SHANK2: variants seen among roughly 807,000 people sequenced by gnomAD.
SHANK2 encodes the protein SH3 and multiple ankyrin repeat domains 2.
SHANK2 carries 43 observed loss-of-function variants against 133.7 expected under a neutral mutation model. That is an observed-to-expected ratio of 0.32 (90% CI 0.25 to 0.41). SHANK2 has a LOEUF of 0.41. Among genes scored for constraint, SHANK2 ranks in the 10% least tolerant of loss-of-function variants. SHANK2 has a pLI of 1.00. For missense variants in SHANK2, 1,994 were observed against 2,235.8 expected, an observed-to-expected ratio of 0.89 and a Z score of 2.18; for synonymous variants, 1,017 against 952.8, an observed-to-expected ratio of 1.07 and a Z score of -1.24.
At chr11:70,931,283 A>G (rs1950501203) in intron 10 of SHANK2, among the ~76,000 whole-genome samples, 1 of 152,228 alleles carries the variant, frequency 6.6e-6, no homozygotes, top group Non-Finnish European at 1.5e-5. Context: ...AAAATTGACT[A>G]TGGTGATAGT....
intron 10 of SHANK2, among the ~76,000 whole-genome samples, chr11:70,911,933 T>C (rs781788905): frequency 2.0e-5 from 3 of 151,298 alleles, no homozygotes; most frequent in Non-Finnish European, 4.4e-5. Context: ...AATACAAAAA[T>C]CAGCTGGGCA....
chr11:71,097,229 A>T (rs960773446), intron 6 of SHANK2, among the ~76,000 whole-genome samples: 1 of 152,008 alleles, frequency 6.6e-6, no homozygotes, highest in Non-Finnish European at 1.5e-5. Context: ...GCCCTGGCTT[A>T]GCCACCACAT....
At chr11:70,908,855 C>G (rs983640917) in intron 10 of SHANK2, among the ~76,000 whole-genome samples, 1 of 152,198 alleles carries the variant, frequency 6.6e-6, no homozygotes, top group South Asian at 2.1e-4. Flanking sequence ...TCCATTTAGT[C>G]GTTCAGTTTC....
intron 11 of SHANK2, among the ~76,000 whole-genome samples, chr11:70,878,968 C>T (rs1949615278): frequency 6.6e-6 from 1 of 152,222 alleles, no homozygotes. Context: ...CCCCAGGGGA[C>T]ATCCTGAAGT....
chr11:70,636,063 C>G (rs1339698470), intron 17 of SHANK2, among the ~76,000 whole-genome samples: 1 of 152,284 alleles, frequency 6.6e-6, no homozygotes, highest in Non-Finnish European at 1.5e-5. Context: ...TCAGCTCTAC[C>G]CTCCTCTTCA....
rs3020033 is a variant in SHANK2, at chr11:71,250,086, A to T, written c.-113+2339T>A. On this transcript the variant is annotated intron_variant, in intron 1 of 25. Transcript: ENST00000601538. ...AGCAGACTGTACTTGGAGACAGTAC[A>T]CAGAAAGATCCCCCCAACAGACCGC... Among the ~76,000 whole-genome samples the T allele has an allele frequency of 2.8e-3, 433 of 152,184 alleles. 1 individual carries two copies. Among genetic ancestry groups the T allele is most frequent in the African/African-American group, 9.4e-3 (392 of 41,508 alleles).
At chr11:70,837,552 AT>A (rs1276031864) in intron 11 of SHANK2, among the ~76,000 whole-genome samples, 7 of 152,162 alleles carry the variant, frequency 4.6e-5, no homozygotes, top group African/African-American at 1.7e-4. Context: ...TTTATTGAAC[AT>A]TGAAGTTATG....
chr11:70,563,561 G>A lies in SHANK2; in HGVS notation c.2062-60630C>T, dbSNP rs537872619. Among the ~76,000 whole-genome samples, 216 of 99,022 alleles carry A rather than the reference G, an allele frequency of 2.2e-3. 2 individuals are homozygous for A. The highest frequency in any genetic ancestry group is 0.017 in the Middle Eastern group (2 of 118). 65.0% of individuals were successfully genotyped at this position (99,022 alleles called of 152,430 possible). ...TCACTTTTTTTTTTTTTTTTGAGATGGAGTTTTGCTTTTGTTGCCCAGGCT... is the reference window on the plus strand; with the variant it reads ...TCACTTTTTTTTTTTTTTTTGAGATAGAGTTTTGCTTTTGTTGCCCAGGCT... On this transcript the variant is annotated intron_variant, in intron 17 of 25. Coordinates refer to ENST00000601538, the MANE Select transcript of SHANK2 (RefSeq NM_012309.5).
chr11:70,571,922 C>T (rs1253025903), intron 17 of SHANK2, among the ~76,000 whole-genome samples: 3 of 152,148 alleles, frequency 2.0e-5, no homozygotes, highest in Non-Finnish European at 4.4e-5. Flanking sequence ...TGGGTTGGAC[C>T]CTAACCTCCA....
At chr11:70,664,196 C>G (rs1173122383) in intron 15 of SHANK2, among the ~76,000 whole-genome samples, 3 of 152,188 alleles carry the variant, frequency 2.0e-5, no homozygotes, top group East Asian at 1.9e-4. Flanking sequence ...CACGGCCCCC[C>G]ACAACGAGAA....
intron 17 of SHANK2, among the ~76,000 whole-genome samples, chr11:70,588,823 T>C (rs1224110330): frequency 2.0e-5 from 3 of 152,200 alleles, no homozygotes; most frequent in East Asian, 1.9e-4. Flanking sequence ...AGACAAGACA[T>C]CCTTCTTTTT....
chr11:71,186,550 G>A (rs1015159330), intron 2 of SHANK2, among the ~76,000 whole-genome samples: 3 of 152,184 alleles, frequency 2.0e-5, no homozygotes, highest in Admixed American at 2.0e-4. Context: ...TACTTCCTGT[G>A]TGGAAGCCAA....
intron 10 of SHANK2, among the ~76,000 whole-genome samples, chr11:70,907,017 T>C (rs1555078089): frequency 6.6e-6 from 1 of 152,150 alleles, no homozygotes; most frequent in Non-Finnish European, 1.5e-5. Flanking sequence ...GGACTTTACA[T>C]CTAACTTGAC....
intron 17 of SHANK2, among the ~76,000 whole-genome samples, chr11:70,530,320 G>A (rs897578585): frequency 1.8e-4 from 27 of 152,014 alleles, no homozygotes; most frequent in African/African-American, 2.7e-4. Context: ...AACAATCCTC[G>A]CACCCAGGAG....
intron 2 of SHANK2, among the ~76,000 whole-genome samples, chr11:71,206,278 CA>C (rs1555117984): frequency 6.6e-6 from 1 of 152,224 alleles, no homozygotes; most frequent in East Asian, 1.9e-4. Context: ...ACGTGATCAA[CA>C]GCATCCGCAC....
intron 17 of SHANK2, among the ~76,000 whole-genome samples, chr11:70,649,795 A>G (rs2134205502): frequency 6.6e-6 from 1 of 152,240 alleles, no homozygotes; most frequent in East Asian, 1.9e-4. Context: ...GCATCCACAC[A>G]CAGAAAAAGA....
intron 14 of SHANK2, among the ~76,000 whole-genome samples, chr11:70,747,562 A>G (rs1228204280): frequency 6.6e-6 from 1 of 152,112 alleles, no homozygotes; most frequent in Non-Finnish European, 1.5e-5. Flanking sequence ...TAGACCTGGC[A>G]CTGCTGGTGG....
chr11:70,773,774 T>C (rs1218894736), intron 14 of SHANK2, among the ~76,000 whole-genome samples: 3 of 152,222 alleles, frequency 2.0e-5, no homozygotes, highest in African/African-American at 7.2e-5. Context: ...CACAATGATA[T>C]ATAGGTCTAA....
At chr11:70,652,973 T>C (rs1465794860) in intron 17 of SHANK2, among the ~76,000 whole-genome samples, 2 of 152,094 alleles carry the variant, frequency 1.3e-5, no homozygotes, top group African/African-American at 4.8e-5. Context: ...TCATTTTCTT[T>C]CCCTTTTCTC....
Sources: allele counts gnomAD v4.1 joint callset (sites outside exome capture counted in the v4.1 genomes callset), GRCh38; gene constraint gnomAD v4.1.1; transcripts MANE v1.5; gene names NCBI Gene and HGNC (gene_info 2026-07-23, HGNC 2026-07-21).